TMEM230: variants seen among roughly 807,000 people sequenced by gnomAD.
TMEM230 encodes transmembrane protein 230, also known as UPF0414 transmembrane protein C20orf30.
In TMEM230, 10 loss-of-function variants were observed where a neutral mutation model predicts 15.8. The ratio of observed to expected loss-of-function variants is 0.63; its 90% CI spans 0.39 to 1.07. The LOEUF (loss-of-function observed/expected upper bound fraction) is 1.07, where lower values mean the gene tolerates loss of function less well. Among genes scored for constraint, TMEM230 ranks in the 50% least tolerant of loss-of-function variants. TMEM230 has a pLI of 0.01. For missense variants in TMEM230, 165 were observed against 193.3 expected, an observed-to-expected ratio of 0.85 and a Z score of 0.87; for synonymous variants, 67 against 76.9, an observed-to-expected ratio of 0.87 and a Z score of 0.68.
chr20:5,105,547 T>C (rs923165456), intron 4 of TMEM230, among the ~76,000 whole-genome samples: 4 of 151,928 alleles, frequency 2.6e-5, no homozygotes, highest in African/African-American at 4.8e-5. Context: ...GCCGATATTA[T>C]GCCACTGCAC....
At position 5,113,000 on chromosome 20, in the gene TMEM230, C is replaced by T. The variant is rs761517338; in HGVS notation, c.29G>A (p.Gly10Asp). The T allele has an allele frequency of 9.2e-5, 142 of 1,550,516 alleles. No individual in the cohort carries two copies. Among genetic ancestry groups the T allele is most frequent in the Non-Finnish European group, 1.2e-4 (135 of 1,147,570 alleles). Residue 10 changes from glycine (G) to aspartate (D), a missense_variant, in exon 1 of 5, where the codon GGC (glycine) becomes GAC (aspartate). Gly to Asp is a moderately conservative substitution (Grantham distance 94). Coordinates refer to ENST00000342308, the MANE Select transcript of TMEM230 (RefSeq NM_001009923.2). ...AGGCCGCCCGCACACCCAGAGCTCG[C>T]CCACGGTTGGCAGCGCCCAAGGTTG...
At chr20:5,108,413 C>T (rs1285700477) in intron 3 of TMEM230, among the ~76,000 whole-genome samples, 1 of 145,242 alleles carries the variant, frequency 6.9e-6, no homozygotes, top group Non-Finnish European at 1.5e-5. Flanking sequence ...GACTAAAACT[C>T]CGTCTCCAAA....
chr20:5,102,909 T>C (rs530706155), intron 4 of TMEM230, among the ~76,000 whole-genome samples: 2 of 152,106 alleles, frequency 1.3e-5, no homozygotes, highest in South Asian at 2.1e-4. Context: ...AATTCAACAA[T>C]ACATTAAAAA....
intron 4 of TMEM230, 86 bp downstream of exon 3, chr20:5,106,074 GACAAACACACACACACACACACACACAC>G: frequency 8.5e-7 from 1 of 1,170,108 alleles, no homozygotes; most frequent in Non-Finnish European, 1.1e-6. Flanking sequence ...CACTGGGACG[GACAAACACACACACACACACACACACAC>G]ACACACACAC....
At chr20:5,106,852 T>C (rs1173137534) in intron 3 of TMEM230, among the ~76,000 whole-genome samples, 4 of 152,188 alleles carry the variant, frequency 2.6e-5, no homozygotes, top group Non-Finnish European at 4.4e-5. Flanking sequence ...ACTACAAGTA[T>C]ACGTCACCAT....
chr20:5,085,729 T>C (rs2089316163), intron 3 of TMEM230, among the ~76,000 whole-genome samples: 2 of 152,172 alleles, frequency 1.3e-5, no homozygotes, highest in African/African-American at 4.8e-5. Context: ...TTATTTGGGC[T>C]TATTTACCAG....
chr20:5,072,921 G>T lies in TMEM230; in HGVS notation c.223-3572C>A, dbSNP rs1461859999. 2.0e-5 allele frequency among the ~76,000 whole-genome samples: 3 copies of T among 151,122 alleles called. No individual in the cohort carries two copies. In the South Asian group the frequency reaches 6.3e-4, roughly 32 times the overall value. Reference sequence around the variant, plus strand: ...TGGAGACTGATGACTTGAGAAACAGGAGCCAAACAGCACAGTAACTTAGTC... The same window carrying T: ...TGGAGACTGATGACTTGAGAAACAGTAGCCAAACAGCACAGTAACTTAGTC... On this transcript the variant is annotated intron_variant, in intron 3 of 3. Transcript: ENST00000612323.
At chr20:5,074,868 G>A (rs563705161) in intron 3 of TMEM230, among the ~76,000 whole-genome samples, 148 of 152,174 alleles carry the variant, frequency 9.7e-4, no homozygotes, top group Non-Finnish European at 1.7e-3. Context: ...TTGCTATGCT[G>A]CCCAGGTTTG....
In TMEM230 at chr20:5,106,216, A is replaced by G. The variant is rs2090084340; in HGVS notation, c.383T>C (p.Leu128Pro). Residue 128 changes from leucine to proline, a missense_variant, in exon 4 of 5, where the codon CTC becomes CCC. Leu to Pro is a moderately conservative substitution (Grantham distance 98). Transcript: ENST00000342308. The stretch of plus-strand genomic sequence containing the variant: ...TTTGCTGATGTAGCCTGACAGCAGG[A>G]GGGAGCCTATAATAATGAGAAAGGC... The G allele has an allele frequency of 1.2e-6, 2 of 1,613,870 alleles. No homozygotes were observed. Among genetic ancestry groups the G allele is most frequent in the Non-Finnish European group, 1.7e-6 (2 of 1,179,884 alleles).
chr20:5,104,769 G>T (rs2090003617), intron 4 of TMEM230, among the ~76,000 whole-genome samples: 1 of 152,186 alleles, frequency 6.6e-6, no homozygotes. Flanking sequence ...ATTAAGCCAG[G>T]CACAGAAAGA....
chr20:5,098,021 A>G (rs1436125882), downstream of TMEM230, among the ~76,000 whole-genome samples: 1 of 110,560 alleles, frequency 9.0e-6, no homozygotes, highest in African/African-American at 3.5e-5. Context: ...TTTGTTGCCC[A>G]GGCTGGAGTG....
intron 3 of TMEM230, among the ~76,000 whole-genome samples, chr20:5,074,454 C>T (rs1568480739): frequency 6.6e-6 from 1 of 152,038 alleles, no homozygotes; most frequent in Admixed American, 6.6e-5. Context: ...AAGCCCAAAC[C>T]CATTTTTCTT....
Position 5,106,096 on chromosome 20 carries a change from C to T in TMEM230, c.411+92G>A, listed in dbSNP as rs1313046229. 4 of 1,477,112 alleles carry T rather than the reference C, an allele frequency of 2.7e-6. No homozygotes were observed. The South Asian group carries it at 5.3e-5, about 19-fold the overall frequency. The allele number at this position is 1,477,112 out of a possible 1,614,324, so 91.5% of individuals were successfully genotyped here. ...ACGGACAAACACACACACACACACA[C>T]ACACACACACACACACACACACACG... On this transcript the variant is annotated intron_variant, in intron 4 of 4. Transcript: ENST00000342308.
At chr20:5,103,792 A>G (rs1474163050) in intron 4 of TMEM230, among the ~76,000 whole-genome samples, 1 of 152,190 alleles carries the variant, frequency 6.6e-6, no homozygotes, top group Non-Finnish European at 1.5e-5. Context: ...ATCAAATGAG[A>G]ATGGATTAAA....
At chr20:5,101,940 C>T (rs1025153542) in intron 4 of TMEM230, among the ~76,000 whole-genome samples, 1 of 152,214 alleles carries the variant, frequency 6.6e-6, no homozygotes, top group East Asian at 1.9e-4. Context: ...AACAGAATTG[C>T]TATTTCTCTC....
chr20:5,065,743 T>C (rs2088646145), downstream of TMEM230, among the ~76,000 whole-genome samples: 1 of 152,190 alleles, frequency 6.6e-6, no homozygotes, highest in East Asian at 1.9e-4. Context: ...GGAGCTCATA[T>C]GAAGGACAGG....
chr20:5,076,135 T>A (rs1394596759), intron 3 of TMEM230, among the ~76,000 whole-genome samples: 1 of 151,558 alleles, frequency 6.6e-6, no homozygotes, highest in Non-Finnish European at 1.5e-5. Flanking sequence ...CAGCAATAGC[T>A]CAAGCACCCA....
intron 3 of TMEM230, among the ~76,000 whole-genome samples, chr20:5,090,233 A>G (rs941303076): frequency 6.6e-6 from 1 of 152,224 alleles, no homozygotes; most frequent in African/African-American, 2.4e-5. Context: ...CCTAACACTA[A>G]AGGACATGAG....
At chr20:5,068,164 G>A (rs1031704073), downstream of TMEM230, 1 of 152,178 alleles carries the variant, frequency 6.6e-6, no homozygotes, top group African/African-American at 2.4e-5. Context: ...CAGGCAGGTG[G>A]AAAGGTAAAA....
Sources: gnomAD v4.1 joint callset for allele counts (sites outside exome capture counted in the v4.1 genomes callset) on GRCh38, gnomAD v4.1.1 for gene constraint, MANE v1.5 for transcripts, NCBI Gene and HGNC (gene_info 2026-07-23, HGNC 2026-07-21) for gene names.